Variants in RPS6KC1 observed in about 807,000 individuals in gnomAD.
The protein encoded by RPS6KC1 is ribosomal protein S6 kinase C1, also known as inactive ribosomal protein S6 kinase delta-1.
RPS6KC1 carries 54 observed loss-of-function variants against 103.8 expected under a neutral mutation model. The ratio of observed to expected loss-of-function variants is 0.52; its 90% CI spans 0.42 to 0.65. The LOEUF is 0.65. Among genes scored for constraint, RPS6KC1 ranks in the 30% least tolerant of loss-of-function variants. The probability of loss-of-function intolerance (pLI) is 0.00; values close to 1 mark genes in which losing one functional copy is unlikely to be tolerated. For missense variants in RPS6KC1, 1,151 were observed against 1,253.8 expected, an observed-to-expected ratio of 0.92 and a Z score of 1.24; for synonymous variants, 439 against 438.7, an observed-to-expected ratio of 1.00 and a Z score of -0.01.
At chr1:213,681,727 G>A in the RPS6KC1 span, among the ~76,000 whole-genome samples, 2 of 152,138 alleles carry the variant, frequency 1.3e-5, no homozygotes, top group Non-Finnish European at 2.9e-5. Flanking sequence ...GAATATGGGA[G>A]TTTGAGGTTA....
the RPS6KC1 span, among the ~76,000 whole-genome samples, chr1:213,633,926 A>G: frequency 2.9e-5 from 4 of 136,184 alleles, no homozygotes; most frequent in Non-Finnish European, 4.7e-5. Flanking sequence ...AGGGGTTGCA[A>G]TCCTAGTCTG....
the RPS6KC1 span, among the ~76,000 whole-genome samples, chr1:213,395,892 T>C: frequency 6.6e-6 from 1 of 152,152 alleles, no homozygotes; most frequent in Non-Finnish European, 1.5e-5. Context: ...CACAAGGCAG[T>C]GCGAAGAATC....
intron 10 of RPS6KC1, among the ~76,000 whole-genome samples, chr1:213,239,412 C>A (rs1004435672): frequency 3.3e-5 from 5 of 151,958 alleles, no homozygotes; most frequent in Admixed American, 3.3e-4. Flanking sequence ...GTATGAGAAT[C>A]CTAGGATTAA....
the RPS6KC1 span, among the ~76,000 whole-genome samples, chr1:213,499,356 C>T: frequency 3.3e-5 from 5 of 152,260 alleles, no homozygotes; most frequent in East Asian, 7.7e-4. Flanking sequence ...GGAGCCCCGG[C>T]CCCCAACCTT....
chr1:213,088,360 T>A (rs1202752428), intron 3 of RPS6KC1, among the ~76,000 whole-genome samples: 1 of 152,052 alleles, frequency 6.6e-6, no homozygotes, highest in Non-Finnish European at 1.5e-5. Flanking sequence ...TCCACTCTCA[T>A]GGCTAATAAT....
chr1:213,644,434 T>A, the RPS6KC1 span, among the ~76,000 whole-genome samples: 12 of 152,164 alleles, frequency 7.9e-5, no homozygotes, highest in South Asian at 2.5e-3. Context: ...TTTCTATGGG[T>A]TTGGAAAAAT....
the RPS6KC1 span, among the ~76,000 whole-genome samples, chr1:213,334,283 T>C: frequency 6.6e-6 from 1 of 152,340 alleles, no homozygotes; most frequent in South Asian, 2.1e-4. Flanking sequence ...ATACAGGTGC[T>C]TCCAAATTTT....
At chr1:213,093,488 G>A (rs2081175501) in intron 3 of RPS6KC1, among the ~76,000 whole-genome samples, 1 of 152,256 alleles carries the variant, frequency 6.6e-6, no homozygotes, top group East Asian at 1.9e-4. Flanking sequence ...GGGATTACAA[G>A]TGTGAGCCAC....
chr1:213,762,864 G>T, the RPS6KC1 span, among the ~76,000 whole-genome samples: 11 of 140,732 alleles, frequency 7.8e-5, no homozygotes, highest in African/African-American at 2.3e-4. Flanking sequence ...ATTTTTTTAC[G>T]TTTTTTTTTT....
the RPS6KC1 span, among the ~76,000 whole-genome samples, chr1:213,686,519 A>G: frequency 4.6e-5 from 7 of 152,186 alleles, no homozygotes; most frequent in Non-Finnish European, 1.0e-4. Context: ...ACTTGCCATC[A>G]TGGTTCATGA....
chr1:213,645,576 C>T, the RPS6KC1 span, among the ~76,000 whole-genome samples: 1 of 152,106 alleles, frequency 6.6e-6, no homozygotes, highest in African/African-American at 2.4e-5. Context: ...CCTACTTGTC[C>T]TGGGTAGGGT....
the RPS6KC1 span, among the ~76,000 whole-genome samples, chr1:213,623,580 T>A: frequency 1.3e-5 from 2 of 152,236 alleles, no homozygotes; most frequent in African/African-American, 4.8e-5. Flanking sequence ...ACAAGAGAAG[T>A]TGACCAGGGG....
the RPS6KC1 span, among the ~76,000 whole-genome samples, chr1:213,431,649 GTGTGTA>G: frequency 3.6e-4 from 44 of 122,232 alleles, no homozygotes; most frequent in East Asian, 4.1e-3. Context: ...TCCATTGTTT[GTGTGTA>G]TGTGTGTGTG....
At chr1:213,594,514 G>A in the RPS6KC1 span, among the ~76,000 whole-genome samples, 1 of 152,052 alleles carries the variant, frequency 6.6e-6, no homozygotes, top group Admixed American at 6.5e-5. Flanking sequence ...AAGGTGAGGG[G>A]CTCCTATAAT....
At chr1:213,799,502 A>T in the RPS6KC1 span, among the ~76,000 whole-genome samples, 2 of 152,244 alleles carry the variant, frequency 1.3e-5, no homozygotes, top group African/African-American at 4.8e-5. Context: ...ATATTTGATG[A>T]ATGTGATGAT....
chr1:213,735,488 G>A, the RPS6KC1 span, among the ~76,000 whole-genome samples: 1 of 152,156 alleles, frequency 6.6e-6, no homozygotes, highest in Non-Finnish European at 1.5e-5. Flanking sequence ...ACTGAGATGG[G>A]GTCGGGCCAG....
chr1:213,415,753 C>G, the RPS6KC1 span, among the ~76,000 whole-genome samples: 512 of 152,300 alleles, frequency 3.4e-3, 3 homozygotes, highest in African/African-American at 0.012. Context: ...TAAAAAACTC[C>G]AGGATTGTAG....
At chr1:213,501,190 C>G in the RPS6KC1 span, among the ~76,000 whole-genome samples, 1 of 152,046 alleles carries the variant, frequency 6.6e-6, no homozygotes, top group African/African-American at 2.4e-5. Flanking sequence ...TAGGTTTGCT[C>G]TCCAAGATAT....
At chr1:213,791,630 G>C in the RPS6KC1 span, among the ~76,000 whole-genome samples, 1 of 152,138 alleles carries the variant, frequency 6.6e-6, no homozygotes, top group Non-Finnish European at 1.5e-5. Context: ...GATTCCTGCT[G>C]TCCTAATTTA....
Sources: allele counts gnomAD v4.1 joint callset (sites outside exome capture counted in the v4.1 genomes callset), GRCh38; gene constraint gnomAD v4.1.1; transcripts MANE v1.5; gene names NCBI Gene and HGNC (gene_info 2026-07-23, HGNC 2026-07-21).